Variants in TTC23L observed in about 807,000 individuals in gnomAD.
TTC23L encodes the protein tetratricopeptide repeat protein 23-like.
Under a neutral mutation model 48.1 loss-of-function variants are expected in TTC23L, and 42 were observed. The ratio of observed to expected loss-of-function variants is 0.87; its 90% CI spans 0.68 to 1.13. The LOEUF (loss-of-function observed/expected upper bound fraction) is 1.13. TTC23L is among the 50% of genes most tolerant of loss of function. TTC23L has a pLI of 0.00. For synonymous variants in TTC23L, 159 were observed against 157.2 expected (o/e 1.01, Z -0.09); for missense variants, 391 against 421.0 (o/e 0.93, Z 0.62).
At chr5:34,901,335 T>C (rs1230472910), downstream of TTC23L, among the ~76,000 whole-genome samples, 1 of 152,222 alleles carries the variant, frequency 6.6e-6, no homozygotes, top group Admixed American at 6.5e-5. Flanking sequence ...GTGTTTTTAG[T>C]CATAGCCTGT....
intron 8 of TTC23L, among the ~76,000 whole-genome samples, chr5:34,871,953 C>T (rs1206849891): frequency 1.3e-5 from 2 of 151,992 alleles, no homozygotes; most frequent in Admixed American, 6.5e-5. Context: ...GGACATTGTC[C>T]TAACTGTAAG....
chr5:34,873,023 A>G (rs769903525), intron 8 of TTC23L, among the ~76,000 whole-genome samples: 4 of 151,730 alleles, frequency 2.6e-5, no homozygotes, highest in Non-Finnish European at 5.9e-5. Flanking sequence ...AGATCGCGCC[A>G]TTGCACTCCA....
intron 3 of TTC23L, among the ~76,000 whole-genome samples, chr5:34,846,248 T>C (rs336487): frequency 0.11 from 16,141 of 151,704 alleles, 1,541 homozygotes; most frequent in African/African-American, 0.26. Context: ...TTGTTGCTGT[T>C]ACCTTTAACT....
At chr5:34,851,768 T>TA (rs924998241) in intron 4 of TTC23L, among the ~76,000 whole-genome samples, 2 of 152,188 alleles carry the variant, frequency 1.3e-5, no homozygotes, top group African/African-American at 4.8e-5. Context: ...GAGTCAAATT[T>TA]AGGGATTTAC....
the TTC23L span, chr5:34,914,992 A>C: frequency 7.6e-7 from 1 of 1,320,286 alleles, no homozygotes; most frequent in Non-Finnish European, 1.0e-6. Flanking sequence ...AACTCCCATC[A>C]GTGCTGGCGA....
chr5:34,907,105 A>ACC, the TTC23L span: 1 of 152,210 alleles, frequency 6.6e-6, no homozygotes, highest in African/African-American at 2.4e-5. Flanking sequence ...TATGCCTGGG[A>ACC]AGCAGTGCCT....
the TTC23L span, chr5:34,911,629 C>T: frequency 9.9e-6 from 16 of 1,613,964 alleles, no homozygotes; most frequent in Non-Finnish European, 1.3e-5. Flanking sequence ...AAATGCTTCA[C>T]GGAGCCCCTC....
At chr5:34,915,026 T>C in the TTC23L span, 2 of 907,018 alleles carry the variant, frequency 2.2e-6, no homozygotes, top group Middle Eastern at 2.4e-4. Context: ...CCACCTGCGC[T>C]GAGAGGTGGA....
chr5:34,915,853 G>C, the TTC23L span: 1 of 1,566,080 alleles, frequency 6.4e-7, no homozygotes, highest in East Asian at 2.4e-5. Flanking sequence ...AGCAGAGGAG[G>C]TGGAGGAAGA....
chr5:34,885,640 T>G (rs189470412), intron 9 of TTC23L, among the ~76,000 whole-genome samples: 180 of 152,110 alleles, frequency 1.2e-3, no homozygotes, highest in African/African-American at 4.2e-3. Context: ...TCCCAGCTAC[T>G]TTAGAGGCTG....
At chr5:34,917,892 T>A in the TTC23L span, among the ~76,000 whole-genome samples, 1 of 151,876 alleles carries the variant, frequency 6.6e-6, no homozygotes, top group Non-Finnish European at 1.5e-5. Flanking sequence ...GAGATTGAAG[T>A]TGAAAAACAA....
chr5:34,914,891 A>G, the TTC23L span: 1 of 1,614,018 alleles, frequency 6.2e-7, no homozygotes, highest in Non-Finnish European at 8.5e-7. Context: ...CAGAAGGGGC[A>G]TCGTCCACTG....
intron 4 of TTC23L, chr5:34,860,978 C>CTT: frequency 6.7e-6 from 1 of 150,364 alleles, no homozygotes; most frequent in Non-Finnish European, 1.5e-5. Context: ...TATAGATGCC[C>CTT]TTTTTTTTTT....
chr5:34,848,575 G>T (rs918420967), intron 3 of TTC23L, among the ~76,000 whole-genome samples: 5 of 152,216 alleles, frequency 3.3e-5, no homozygotes, highest in Admixed American at 2.0e-4. Context: ...GGGATATTGA[G>T]TGATGAAGTG....
At chr5:34,877,649 C>G (rs1282195968) in intron 8 of TTC23L, among the ~76,000 whole-genome samples, 5 of 152,096 alleles carry the variant, frequency 3.3e-5, no homozygotes, top group Admixed American at 2.6e-4. Context: ...GTCTCGAACT[C>G]CTGACTTCAG....
the TTC23L span, chr5:34,921,907 CAAA>C: frequency 2.6e-3 from 92 of 35,336 alleles, no homozygotes; most frequent in Non-Finnish European, 4.0e-3. Context: ...AACTGCATCG[CAAA>C]AAAAAAAAAA....
chr5:34,871,068 C>T (rs74970009), intron 8 of TTC23L, among the ~76,000 whole-genome samples: 359 of 152,270 alleles, frequency 2.4e-3, no homozygotes, highest in African/African-American at 8.2e-3. Context: ...ACTCTCACTG[C>T]TCCTATTCAG....
At chr5:34,893,394 G>A (rs1762997206) in intron 9 of TTC23L, among the ~76,000 whole-genome samples, 1 of 152,130 alleles carries the variant, frequency 6.6e-6, no homozygotes, top group Admixed American at 6.5e-5. Context: ...TTGGCTGTAT[G>A]GGCCAGGAGC....
chr5:34,912,401 C>T, the TTC23L span, among the ~76,000 whole-genome samples: 17 of 152,210 alleles, frequency 1.1e-4, no homozygotes, highest in Admixed American at 5.9e-4. Context: ...GATATTCAAA[C>T]TCCTTCTCCT....
Sources: gnomAD v4.1 joint callset for allele counts (sites outside exome capture counted in the v4.1 genomes callset) on GRCh38, gnomAD v4.1.1 for gene constraint, MANE v1.5 for transcripts, NCBI Gene and HGNC (gene_info 2026-07-23, HGNC 2026-07-21) for gene names.